Variants in PCDH11Y observed in about 807,000 individuals in gnomAD.
PCDH11Y encodes the protein protocadherin-11 Y-linked.
For missense variants in PCDH11Y, 12 were observed against 224.8 expected (o/e 0.05, Z 6.05); for synonymous variants, 9 against 83.6 (o/e 0.11, Z 4.87).
At chrY:5,620,370 C>A in intron 4 of PCDH11Y, among the ~76,000 whole-genome samples, 4 of 28,680 alleles carry the variant, frequency 1.4e-4, no homozygotes, top group Non-Finnish European at 2.5e-4. Flanking sequence ...AATCATTGAC[C>A]AGACCAATAA....
intron 4 of PCDH11Y, among the ~76,000 whole-genome samples, chrY:5,680,426 A>C: frequency 3.1e-5 from 1 of 32,765 alleles, no homozygotes; most frequent in African/African-American, 1.2e-4. Flanking sequence ...TTCAAAGCTC[A>C]GACATTAATG....
At chrY:5,521,018 A>G in intron 3 of PCDH11Y, among the ~76,000 whole-genome samples, 2 of 31,930 alleles carry the variant, frequency 6.3e-5, no homozygotes, top group South Asian at 7.1e-4. Context: ...TCTTCTCTCT[A>G]TGTACATTAA....
At chrY:5,364,113 T>C in intron 2 of PCDH11Y, among the ~76,000 whole-genome samples, 1 of 31,587 alleles carries the variant, frequency 3.2e-5, no homozygotes. Flanking sequence ...AGTGCTGAGA[T>C]TATAGGCATG....
chrY:5,098,058 G>C, intron 1 of PCDH11Y, among the ~76,000 whole-genome samples, 157 bp from the exon 3 acceptor site: 2 of 31,716 alleles, frequency 6.3e-5, no homozygotes, highest in Admixed American at 3.0e-4. Context: ...ACCTATTTCT[G>C]AACTGATCCC....
intron 2 of PCDH11Y, among the ~76,000 whole-genome samples, chrY:5,278,333 T>G: frequency 3.2e-5 from 1 of 31,533 alleles, no homozygotes; most frequent in Non-Finnish European, 7.7e-5. Context: ...GTATTTTTAG[T>G]AGAGACGGCG....
chrY:5,586,455 G>A (rs1602946911), intron 4 of PCDH11Y, among the ~76,000 whole-genome samples: 75 of 32,172 alleles, frequency 2.3e-3, no homozygotes, highest in African/African-American at 8.4e-3. Flanking sequence ...TGTGTCCTGA[G>A]ACTTTGGTGA....
intron 2 of PCDH11Y, among the ~76,000 whole-genome samples, chrY:5,196,352 A>G: frequency 3.0e-5 from 1 of 32,868 alleles, no homozygotes; most frequent in Non-Finnish European, 7.5e-5. Context: ...TAATTTTTTT[A>G]TATTGCTTGA....
intron 3 of PCDH11Y, among the ~76,000 whole-genome samples, chrY:5,537,506 A>G (rs2053401757): frequency 3.1e-5 from 1 of 32,611 alleles, no homozygotes. Context: ...TTTAGGTTAT[A>G]TCATAGTTCA....
chrY:5,326,712 T>TA (rs2053121176), intron 2 of PCDH11Y, among the ~76,000 whole-genome samples: 1 of 32,410 alleles, frequency 3.1e-5, no homozygotes, highest in Non-Finnish European at 7.5e-5. Flanking sequence ...TTGTGGGACT[T>TA]AAGAAAGTGT....
intron 4 of PCDH11Y, among the ~76,000 whole-genome samples, chrY:5,625,989 C>T (rs207480463): frequency 3.2e-5 from 1 of 30,877 alleles, no homozygotes; most frequent in South Asian, 7.4e-4. Flanking sequence ...GATACAAGCT[C>T]TTCTCTATAC....
intron 4 of PCDH11Y, among the ~76,000 whole-genome samples, chrY:5,624,702 T>C: frequency 1.6e-4 from 5 of 32,149 alleles, no homozygotes; most frequent in Non-Finnish European, 3.8e-4. Flanking sequence ...AGTGTGTGGC[T>C]TTATTTCTGG....
At chrY:5,212,571 G>A (rs2052940474) in intron 2 of PCDH11Y, among the ~76,000 whole-genome samples, 2 of 31,455 alleles carry the variant, frequency 6.4e-5, no homozygotes, top group African/African-American at 1.2e-4. Context: ...GGATATCAAA[G>A]CCAATTCTTT....
intron 2 of PCDH11Y, among the ~76,000 whole-genome samples, chrY:5,448,890 G>A (rs2053290227): frequency 3.0e-5 from 1 of 33,232 alleles, no homozygotes; most frequent in Non-Finnish European, 7.4e-5. Flanking sequence ...TTATAGTATC[G>A]ACAAACACAA....
At chrY:5,731,161 AT>A (rs2053604254) in intron 4 of PCDH11Y, among the ~76,000 whole-genome samples, 3 of 31,723 alleles carry the variant, frequency 9.5e-5, no homozygotes, top group Non-Finnish European at 2.3e-4. Flanking sequence ...AACTACTAGA[AT>A]TTTTTTTTAA....
At chrY:5,245,454 A>G (rs2052994625) in intron 2 of PCDH11Y, among the ~76,000 whole-genome samples, 1 of 32,506 alleles carries the variant, frequency 3.1e-5, no homozygotes, top group Admixed American at 2.9e-4. Flanking sequence ...CTCCAGGCAC[A>G]GGAATGAACC....
intron 4 of PCDH11Y, among the ~76,000 whole-genome samples, chrY:5,721,709 C>T: frequency 3.7e-5 from 1 of 27,231 alleles, no homozygotes; most frequent in Non-Finnish European, 9.1e-5. Context: ...AGGCCGTACC[C>T]TCTGATGCAT....
intron 4 of PCDH11Y, among the ~76,000 whole-genome samples, chrY:5,619,705 G>A: frequency 3.0e-5 from 1 of 33,231 alleles, no homozygotes; most frequent in Non-Finnish European, 7.4e-5. Context: ...ATATAAGTCT[G>A]AGAGATGGAG....
At chrY:5,583,216 C>G in intron 4 of PCDH11Y, among the ~76,000 whole-genome samples, 1 of 32,656 alleles carries the variant, frequency 3.1e-5, no homozygotes, top group African/African-American at 1.2e-4. Flanking sequence ...TCTGGGTTTT[C>G]TATTCTGTTC....
intron 4 of PCDH11Y, among the ~76,000 whole-genome samples, chrY:5,620,743 G>C: frequency 3.0e-5 from 1 of 33,301 alleles, no homozygotes; most frequent in Non-Finnish European, 7.4e-5. Flanking sequence ...TTCAAGGCTG[G>C]CTCAACATAC....
Sources: allele counts gnomAD v4.1 joint callset (sites outside exome capture counted in the v4.1 genomes callset), GRCh38; gene constraint gnomAD v4.1.1; transcripts MANE v1.5; gene names NCBI Gene and HGNC (gene_info 2026-07-23, HGNC 2026-07-21).